Variants in PTPRO observed in about 807,000 individuals in gnomAD.
The protein encoded by PTPRO is protein tyrosine phosphatase receptor type O.
PTPRO carries 62 observed loss-of-function variants against 145.2 expected under a neutral mutation model. That is an observed-to-expected ratio of 0.43 (90% CI 0.35 to 0.53). The LOEUF is 0.53. Among genes scored for constraint, PTPRO ranks in the 20% least tolerant of loss-of-function variants. PTPRO has a pLI of 0.01. For synonymous variants in PTPRO, 565 were observed against 514.7 expected (o/e 1.10, Z -1.32); for missense variants, 1,345 against 1,482.7 (o/e 0.91, Z 1.53).
At chr12:15,487,175 G>C (rs373693718) in intron 2 of PTPRO, among the ~76,000 whole-genome samples, 5 of 152,256 alleles carry the variant, frequency 3.3e-5, no homozygotes, top group Admixed American at 2.6e-4. Flanking sequence ...TCGTGGTCCA[G>C]CCTCAGGCTT....
In PTPRO at chr12:15,497,335, A is replaced by T; in HGVS notation, c.440A>T (p.Tyr147Phe). ...VLFEIHYPEK[Y>F]NVFTRVNISY... The stretch of plus-strand genomic sequence containing the variant: ...TTTGAAATACATTATCCAGAAAAAT[A>T]TAACGTTTTCACAAGAGTGAACATT... The change falls in exon 3 of 27, where the codon TAT (tyrosine) becomes TTT (phenylalanine). Residue 147 changes from tyrosine (Y) to phenylalanine (F), a missense_variant. Around this residue, in one of 3 missense-constraint regions of PTPRO, gnomAD observed 1,130 missense variants for 1,214.7 expected, o/e 0.93. Transcript: ENST00000281171. 1 of 1,610,856 alleles carries T rather than the reference A, an allele frequency of 6.2e-7. No homozygotes were observed. The highest frequency in any genetic ancestry group is 8.5e-7 in the Non-Finnish European group (1 of 1,177,198).
intron 19 of PTPRO, among the ~76,000 whole-genome samples, chr12:15,572,695 TA>T (rs559097051): frequency 6.6e-6 from 1 of 152,202 alleles, no homozygotes; most frequent in Non-Finnish European, 1.5e-5. Flanking sequence ...GTTGTGTATT[TA>T]AAAAATAATC....
intron 1 of PTPRO, among the ~76,000 whole-genome samples, chr12:15,429,130 T>G (rs1940363278): frequency 6.6e-6 from 1 of 152,114 alleles, no homozygotes; most frequent in Non-Finnish European, 1.5e-5. Context: ...AACAGGGCAG[T>G]GTTTGTAGAA....
At chr12:15,491,301 T>C (rs1285501447) in intron 2 of PTPRO, among the ~76,000 whole-genome samples, 2 of 152,234 alleles carry the variant, frequency 1.3e-5, no homozygotes, top group African/African-American at 4.8e-5. Context: ...TTCTTTAGTT[T>C]GTATTCTTTA....
intron 12 of PTPRO, among the ~76,000 whole-genome samples, chr12:15,529,983 C>T (rs1313922627): frequency 1.3e-5 from 2 of 152,276 alleles, no homozygotes; most frequent in Admixed American, 6.5e-5. Flanking sequence ...AAACCCACTT[C>T]ACCTGTAAAG....
intron 1 of PTPRO, among the ~76,000 whole-genome samples, chr12:15,436,894 G>A (rs1291510741): frequency 1.3e-5 from 2 of 152,090 alleles, no homozygotes; most frequent in Non-Finnish European, 2.9e-5. Flanking sequence ...CTACAGTTGC[G>A]GTTTCTTCTG....
chr12:15,400,287 A>G (rs1272377269), intron 1 of PTPRO, among the ~76,000 whole-genome samples: 1 of 151,636 alleles, frequency 6.6e-6, no homozygotes, highest in Non-Finnish European at 1.5e-5. Context: ...CACTGTGCCA[A>G]TGTGCCCCAT....
In PTPRO at chr12:15,586,905, G is replaced by T. The variant is rs1944441174; in HGVS notation, c.3264G>T (p.Glu1088Asp). 1.2e-6 allele frequency: 2 copies of T among 1,613,886 alleles called. No homozygotes were observed. Among genetic ancestry groups the T allele is most frequent in the Non-Finnish European group, 8.5e-7 (1 of 1,179,964 alleles). ...GGCTTTTTTCTCTAAAGGCTGACGA[G>T]ATGCAGGATGTGATGCATTTTAACT... is the stretch of plus-strand genomic sequence containing the variant. ...CRHFRINYAD[E>D]MQDVMHFNYT... is the part of the protein sequence containing the mutation. Residue 1088 changes from glutamate (E) to aspartate (D), a missense_variant, in exon 24 of 27, where the codon GAG becomes GAT. This residue lies in a region of PTPRO where 208 missense variants were observed against 242.8 expected (regional missense o/e 0.86). Coordinates refer to ENST00000281171, the MANE Select transcript of PTPRO (RefSeq NM_030667.3).
chr12:15,448,339 T>TAAAAGAAAA (rs1940956883), intron 1 of PTPRO, among the ~76,000 whole-genome samples: 1 of 45,020 alleles, frequency 2.2e-5, no homozygotes, highest in Non-Finnish European at 4.3e-5. Context: ...CTGTTCCTAG[T>TAAAAGAAAA]AAAAAAAAAA....
Position 15,568,624 on chromosome 12 carries a change from AGG to A in PTPRO, c.2748-792_2748-791del, listed in dbSNP as rs538506780. Among the ~76,000 whole-genome samples, 526 of 152,302 alleles carry A rather than the reference AGG, an allele frequency of 3.5e-3. 1 individual carries two copies. Among genetic ancestry groups the A allele is most frequent in the Non-Finnish European group, 5.4e-3 (368 of 68,024 alleles). On this transcript the variant is annotated intron_variant, in intron 18 of 26. Coordinates refer to ENST00000281171, the MANE Select transcript of PTPRO (RefSeq NM_030667.3). ...CTTTAGAGAGCAAATTGGTTTAGGT[AGG>A]CTCTAGAGGAGATAAGCAGCTACAG...
At chr12:15,576,196 A>C (rs1483166526) in intron 19 of PTPRO, among the ~76,000 whole-genome samples, 1 of 152,254 alleles carries the variant, frequency 6.6e-6, no homozygotes, top group African/African-American at 2.4e-5. Context: ...TATGGTTGGA[A>C]AGAAAATAAC....
chr12:15,454,569 T>C (rs1941126782), intron 1 of PTPRO, among the ~76,000 whole-genome samples: 1 of 152,200 alleles, frequency 6.6e-6, no homozygotes, highest in South Asian at 2.1e-4. Flanking sequence ...CTTTATAGTT[T>C]GATATAGTCT....
Position 15,581,769 on chromosome 12 carries a change from G to A in PTPRO, c.3223G>A (p.Asp1075Asn), listed in dbSNP as rs724159882. The change falls in exon 23 of 27, where the codon GAC (aspartate) becomes AAC (asparagine). Residue 1075 changes from aspartate (D) to asparagine (N), a missense_variant. Asp to Asn is a conservative substitution (Grantham distance 23). Transcript: ENST00000281171. ...GATGATTTCAGAGGAAGAGCAGGAC[G>A]ACTGGGCCTGTAGACACTTCCGGAT... ...VEMISEEEQDDWACRHFRINY... is the reference protein window; with the variant it reads ...VEMISEEEQDNWACRHFRINY... The A allele has an allele frequency of 6.8e-6, 11 of 1,613,968 alleles. No homozygotes were observed. Among genetic ancestry groups the A allele is most frequent in the African/African-American group, 4.0e-5 (3 of 75,022 alleles).
In PTPRO at chr12:15,445,072, C is replaced by T. The variant is rs112918503; in HGVS notation, c.76-38902C>T. The stretch of plus-strand genomic sequence containing the variant: ...TAAGCAAAGAATATTTACTGATGTG[C>T]TGAGTTTCTTCCATACATTAATGGG... On this transcript the variant is annotated intron_variant, in intron 1 of 26. Transcript: ENST00000281171. 7.2e-5 allele frequency among the ~76,000 whole-genome samples: 11 copies of T among 152,190 alleles called. 1 individual carries two copies. Among genetic ancestry groups the T allele is most frequent in the African/African-American group, 2.6e-4 (11 of 41,548 alleles).
At chr12:15,420,775 A>T (rs1591796327) in intron 1 of PTPRO, among the ~76,000 whole-genome samples, 2 of 152,186 alleles carry the variant, frequency 1.3e-5, no homozygotes, top group East Asian at 3.8e-4. Flanking sequence ...GAATTTGTCA[A>T]GTTAATGGGC....
In PTPRO at chr12:15,460,779, TG is replaced by T. The variant is rs563216692; in HGVS notation, c.76-23193del. On this transcript the variant is annotated intron_variant, in intron 1 of 26. Coordinates refer to ENST00000281171, the MANE Select transcript of PTPRO (RefSeq NM_030667.3). ...TTTCCTTGAACCATCAAGATATTCTTGGACAGGACTCTTTCCTTTTCTGGGT... is the reference window on the plus strand; with the variant it reads ...TTTCCTTGAACCATCAAGATATTCTTGACAGGACTCTTTCCTTTTCTGGGT... 1.6e-3 allele frequency among the ~76,000 whole-genome samples: 246 copies of T among 152,348 alleles called. 1 individual carries two copies. The highest frequency in any genetic ancestry group is 2.0e-3 in the Non-Finnish European group (136 of 68,028).
At chr12:15,345,229 A>G (rs890285821) in intron 1 of PTPRO, among the ~76,000 whole-genome samples, 1 of 152,212 alleles carries the variant, frequency 6.6e-6, no homozygotes, top group African/African-American at 2.4e-5. Context: ...ATACTATACA[A>G]TACAAAACTG....
chr12:15,494,070 A>T (rs1480332768), intron 2 of PTPRO, among the ~76,000 whole-genome samples: 1 of 152,212 alleles, frequency 6.6e-6, no homozygotes. Context: ...ACAAATATAT[A>T]AGTTTAAAAA....
intron 1 of PTPRO, among the ~76,000 whole-genome samples, chr12:15,327,433 C>G (rs1866477215): frequency 2.0e-5 from 3 of 152,140 alleles, no homozygotes; most frequent in Admixed American, 1.3e-4. Context: ...CACATCACCA[C>G]TCCGCTATGA....
Sources: gnomAD v4.1 joint callset for allele counts (sites outside exome capture counted in the v4.1 genomes callset) on GRCh38, gnomAD v4.1.1 for gene constraint, gnomAD v4.1.1 regional missense constraint, MANE v1.5 for transcripts, NCBI Gene and HGNC (gene_info 2026-07-23, HGNC 2026-07-21) for gene names.